Variants in MYH13 observed in about 807,000 individuals in gnomAD.
The protein encoded by MYH13 is myosin heavy chain 13.
A neutral mutation model predicts 232.1 loss-of-function variants in MYH13; 177 were observed. The ratio of observed to expected loss-of-function variants is 0.76; its 90% confidence interval spans 0.67 to 0.86. MYH13 has a LOEUF of 0.86. Ranked by LOEUF, MYH13 falls within the 40% of genes least tolerant of loss-of-function variation. The pLI, the probability that MYH13 is intolerant of heterozygous loss-of-function variation, is 0.00. For synonymous variants in MYH13, 884 were observed against 923.5 expected, an observed-to-expected ratio of 0.96 and a Z score of 0.78; for missense variants, 2,246 against 2,405.9, an observed-to-expected ratio of 0.93 and a Z score of 1.39.
chr17:10,327,783 C>T (rs1305968215), intron 22 of MYH13, 83 bp downstream of exon 22: 3 of 1,544,888 alleles, frequency 1.9e-6, no homozygotes, highest in African/African-American at 1.4e-5. Flanking sequence ...CTCGAATAGA[C>T]ACCTGATGGC....
At chr17:10,320,525 G>A in intron 24 of MYH13, 29 bp from the exon 25 acceptor site, 2 of 1,600,084 alleles carry the variant, frequency 1.2e-6, no homozygotes, top group Non-Finnish European at 1.7e-6. Context: ...AGAAAATTAA[G>A]CCCCTGCTGG....
At position 10,318,789 on chromosome 17, in the gene MYH13, C is replaced by T. The variant is rs201179988; in HGVS notation, c.3738+1G>A. ...CAAGAGCAGAAGGGCCAGTCAGGTA[C>T]CTTTGACTTGGAGAGAGCCTCGATG... On this transcript the variant is annotated splice_donor_variant, in intron 27 of 40. Transcript: ENST00000252172. LOFTEE classifies it high-confidence loss of function. The T allele has an allele frequency of 5.9e-5, 96 of 1,613,848 alleles. No individual in the cohort carries two copies. Among genetic ancestry groups the T allele is most frequent in the Non-Finnish European group, 7.8e-5 (92 of 1,179,922 alleles).
intron 18 of MYH13, among the ~76,000 whole-genome samples, chr17:10,335,028 G>T (rs1295881929): frequency 6.6e-6 from 1 of 152,134 alleles, no homozygotes. Context: ...CTGTTTACTA[G>T]CTTCGCGGAC....
chr17:10,327,169 T>A (rs1218667606), intron 22 of MYH13, among the ~76,000 whole-genome samples: 1 of 139,264 alleles, frequency 7.2e-6, no homozygotes, highest in Non-Finnish European at 1.6e-5. Flanking sequence ...GCCCGGCTAA[T>A]TTTTTGTATT....
At chr17:10,346,840 C>T in intron 12 of MYH13, 42 bp from the exon 13 acceptor site, 4 of 1,462,230 alleles carry the variant, frequency 2.7e-6, no homozygotes, top group Non-Finnish European at 3.8e-6. Context: ...AAAACAGTAG[C>T]TGCTAAAGTG....
Position 10,364,766 on chromosome 17 carries a change from T to TA in MYH13, c.-12-225dup, listed in dbSNP as rs1555552865. On this transcript the variant is annotated intron_variant, in intron 2 of 40. Coordinates refer to ENST00000252172, the MANE Select transcript of MYH13 (RefSeq NM_003802.3). ...AAAAAAGTATGAAGGTTTTTTTTTT[T>TA]ATCCTCTGAGTGTCGATTTTGGGAA... is the stretch of plus-strand genomic sequence containing the variant. 9.9e-3 allele frequency among the ~76,000 whole-genome samples: 1,499 copies of TA among 152,138 alleles called. 23 individuals carry two copies. Among genetic ancestry groups the TA allele is most frequent in the African/African-American group, 0.034 (1,422 of 41,486 alleles).
chr17:10,349,540 A>G (rs1377956130), intron 12 of MYH13, among the ~76,000 whole-genome samples: 1 of 152,036 alleles, frequency 6.6e-6, no homozygotes, highest in Non-Finnish European at 1.5e-5. Context: ...TCCTGTGTGA[A>G]GACTTGGAGT....
At chr17:10,303,089 C>T (rs1207541910) in intron 39 of MYH13, 107 bp downstream of exon 39, 29 of 912,770 alleles carry the variant, frequency 3.2e-5, no homozygotes, top group African/African-American at 3.3e-5. Flanking sequence ...CAAATACAAA[C>T]TCAGGCCTGA....
chr17:10,315,529 C>T (rs757174844), intron 29 of MYH13, among the ~76,000 whole-genome samples, 164 bp downstream of exon 29: 35 of 152,098 alleles, frequency 2.3e-4, no homozygotes, highest in Non-Finnish European at 4.6e-4. Flanking sequence ...CTCCTGATCT[C>T]GTGATCCATC....
chr17:10,328,241 C>G (rs923489488), intron 21 of MYH13, 120 bp from the exon 22 acceptor site: 2 of 1,155,712 alleles, frequency 1.7e-6, no homozygotes, highest in African/African-American at 3.1e-5. Flanking sequence ...GGAGGTGCAG[C>G]CAAGCTTGGC....
At chr17:10,322,745 G>T (rs62058071) in intron 23 of MYH13, among the ~76,000 whole-genome samples, 28,293 of 147,326 alleles carry the variant, frequency 0.19, 2,776 homozygotes, top group African/African-American at 0.23. Context: ...GCCATTCTCC[G>T]GCCTCAGCCT....
At chr17:10,371,907 G>T (rs988600192) in intron 1 of MYH13, among the ~76,000 whole-genome samples, 5 of 152,136 alleles carry the variant, frequency 3.3e-5, no homozygotes, top group African/African-American at 9.7e-5. Flanking sequence ...TCAGCTCTAG[G>T]AGTTTATAAA....
chr17:10,361,358 C>T (rs2071791706), intron 5 of MYH13, among the ~76,000 whole-genome samples: 1 of 149,142 alleles, frequency 6.7e-6, no homozygotes, highest in Admixed American at 6.7e-5. Context: ...GTGGCGAGAT[C>T]TCAGCTCACC....
chr17:10,320,347 C>G lies in MYH13; in HGVS notation c.3257+4G>C. ...GACACAGAGGTGGTAAAAGAAATAT[C>G]TACTTTTTCAATTTCTCTTCTATTT... is the stretch of plus-strand genomic sequence containing the variant. On this transcript the variant is annotated splice_donor_region_variant and intron_variant, in intron 25 of 40. Coordinates refer to ENST00000252172, the MANE Select transcript of MYH13 (RefSeq NM_003802.3). The G allele has an allele frequency of 6.2e-7, 1 of 1,611,170 alleles. No individual in the cohort carries two copies. Among genetic ancestry groups the G allele is most frequent in the Non-Finnish European group, 8.5e-7 (1 of 1,178,596 alleles).
chr17:10,327,931 C>T lies in MYH13; in HGVS notation c.2626G>A (p.Glu876Lys). 1.2e-6 allele frequency: 2 copies of T among 1,613,964 alleles called. No homozygotes were observed. The highest frequency in any genetic ancestry group is 1.1e-5 in the South Asian group (1 of 91,040). Residue 876 changes from glutamate (E) to lysine (K), a missense_variant, in exon 22 of 41, where the codon GAG becomes AAG. Transcript: ENST00000252172. ...AGGGAGACCATTTTCTCCTCCAGCTCCTTCCGGCGAGCCTCAGATCGGGCC... is the reference window on the plus strand; with the variant it reads ...AGGGAGACCATTTTCTCCTCCAGCTTCTTCCGGCGAGCCTCAGATCGGGCC... ...ELARSEARRK[E>K]LEEKMVSLLQ...
intron 18 of MYH13, among the ~76,000 whole-genome samples, chr17:10,336,473 G>C (rs961076688): frequency 6.6e-6 from 1 of 152,092 alleles, no homozygotes; most frequent in Non-Finnish European, 1.5e-5. Flanking sequence ...ATGATGATCC[G>C]GCATCATGGG....
chr17:10,322,246 A>C (rs1906974290), intron 23 of MYH13, among the ~76,000 whole-genome samples: 1 of 152,098 alleles, frequency 6.6e-6, no homozygotes, highest in Non-Finnish European at 1.5e-5. Flanking sequence ...CAAAAAAAAA[A>C]AATTAGCCAG....
chr17:10,365,257 C>T (rs947092923), intron 2 of MYH13, among the ~76,000 whole-genome samples: 3 of 152,172 alleles, frequency 2.0e-5, no homozygotes, highest in South Asian at 2.1e-4. Context: ...ATTTGAAAAT[C>T]GTCACTGGAA....
intron 33 of MYH13, 49 bp downstream of exon 33, chr17:10,311,054 C>G (rs1214386797): frequency 1.2e-6 from 2 of 1,607,796 alleles, no homozygotes; most frequent in Non-Finnish European, 1.7e-6. Flanking sequence ...CAGCCTCTTT[C>G]AGTTCCCTGT....
Sources: gnomAD v4.1 joint callset for allele counts (sites outside exome capture counted in the v4.1 genomes callset) on GRCh38, gnomAD v4.1.1 for gene constraint, MANE v1.5 for transcripts, NCBI Gene and HGNC (gene_info 2026-07-23, HGNC 2026-07-21) for gene names.